The following HHIP variants were observed in gnomAD, a reference collection of about 807,000 sequenced individuals.
HHIP encodes hedgehog-interacting protein.
A neutral mutation model predicts 74.0 loss-of-function variants in HHIP; 12 were observed. The observed-to-expected ratio is 0.16, with a 90% confidence interval of 0.10 to 0.26. The LOEUF is 0.26. Among genes scored for constraint, HHIP ranks in the 10% least tolerant of loss-of-function variants. HHIP has a pLI of 1.00. For synonymous variants in HHIP, 309 were observed against 311.6 expected, an observed-to-expected ratio of 0.99 and a Z score of 0.09; for missense variants, 788 against 845.0, an observed-to-expected ratio of 0.93 and a Z score of 0.84.
intron 4 of HHIP, among the ~76,000 whole-genome samples, chr4:144,701,353 G>T (rs1296899639): frequency 2.0e-5 from 3 of 150,792 alleles, no homozygotes; most frequent in Admixed American, 1.3e-4. Context: ...TTTTAGAGTG[G>T]AGAAAGCTCA....
chr4:144,702,344 A>G (rs917945334), intron 4 of HHIP, among the ~76,000 whole-genome samples: 2 of 152,198 alleles, frequency 1.3e-5, no homozygotes, highest in African/African-American at 4.8e-5. Flanking sequence ...TTAAAGTATC[A>G]GTACTCTTCA....
At chr4:144,713,655 C>A (rs1730362148) in intron 8 of HHIP, among the ~76,000 whole-genome samples, 1 of 152,234 alleles carries the variant, frequency 6.6e-6, no homozygotes, top group Middle Eastern at 3.4e-3. Flanking sequence ...GTTATCCACA[C>A]AACTCTATAA....
At chr4:144,709,512 C>T (rs1202220032) in intron 7 of HHIP, among the ~76,000 whole-genome samples, 2 of 152,134 alleles carry the variant, frequency 1.3e-5, no homozygotes, top group Non-Finnish European at 2.9e-5. Flanking sequence ...GCCTGTGCTG[C>T]GGAGCCTCCC....
chr4:144,700,505 G>A (rs1729944261), intron 4 of HHIP, among the ~76,000 whole-genome samples: 1 of 152,152 alleles, frequency 6.6e-6, no homozygotes, highest in African/African-American at 2.4e-5. Flanking sequence ...TTGCTAAACA[G>A]CACATAGGGA....
intron 4 of HHIP, chr4:144,661,274 C>T (rs940644840): frequency 1.3e-5 from 2 of 151,988 alleles, no homozygotes; most frequent in African/African-American, 4.8e-5. Flanking sequence ...TATAACAGTA[C>T]CTTGGTTCTG....
chr4:144,649,273 T>G (rs1728356172), intron 1 of HHIP, among the ~76,000 whole-genome samples: 1 of 152,088 alleles, frequency 6.6e-6, no homozygotes, highest in Non-Finnish European at 1.5e-5. Flanking sequence ...CTGCAGCTTT[T>G]CAAGAAACTA....
chr4:144,721,371 T>C (rs1377431070), intron 11 of HHIP, among the ~76,000 whole-genome samples: 1 of 152,026 alleles, frequency 6.6e-6, no homozygotes, highest in Non-Finnish European at 1.5e-5. Context: ...ATCTCTTAAA[T>C]CATTTTGGCA....
chr4:144,697,349 A>G (rs140894423), intron 4 of HHIP, among the ~76,000 whole-genome samples: 1 of 152,032 alleles, frequency 6.6e-6, no homozygotes, highest in African/African-American at 2.4e-5. Context: ...TTACTTTATT[A>G]TTTCAAATAG....
At chr4:144,710,047 G>C (rs1730249182) in intron 7 of HHIP, among the ~76,000 whole-genome samples, 1 of 152,118 alleles carries the variant, frequency 6.6e-6, no homozygotes, top group African/African-American at 2.4e-5. Context: ...ATCACCCAGA[G>C]AGTTTCACTG....
At chr4:144,691,581 T>C (rs1358546563) in intron 4 of HHIP, among the ~76,000 whole-genome samples, 4 of 152,208 alleles carry the variant, frequency 2.6e-5, no homozygotes, top group Non-Finnish European at 5.9e-5. Flanking sequence ...CTTTTTTTAA[T>C]AATCACATAT....
At chr4:144,668,793 GC>G (rs1191575333) in intron 4 of HHIP, among the ~76,000 whole-genome samples, 1 of 151,706 alleles carries the variant, frequency 6.6e-6, no homozygotes, top group Non-Finnish European at 1.5e-5. Context: ...AAATGAAAGA[GC>G]CCCAACTACC....
chr4:144,674,937 G>C (rs1267104660), intron 4 of HHIP, among the ~76,000 whole-genome samples: 1 of 152,136 alleles, frequency 6.6e-6, no homozygotes, highest in African/African-American at 2.4e-5. Flanking sequence ...CCTGTAGGGG[G>C]ATGACCTTTA....
intron 11 of HHIP, among the ~76,000 whole-genome samples, chr4:144,730,395 A>C (rs942798973): frequency 1.3e-5 from 2 of 152,200 alleles, no homozygotes; most frequent in African/African-American, 4.8e-5. Context: ...CTATGGGGAT[A>C]GCTGTCAACA....
At chr4:144,731,272 C>T (rs556153861) in intron 11 of HHIP, among the ~76,000 whole-genome samples, 4 of 152,254 alleles carry the variant, frequency 2.6e-5, no homozygotes, top group African/African-American at 9.6e-5. Context: ...CAATAGATTT[C>T]TATTAACCAT....
intron 4 of HHIP, among the ~76,000 whole-genome samples, chr4:144,664,489 A>AT (rs1369189022): frequency 2.6e-5 from 4 of 152,084 alleles, no homozygotes; most frequent in African/African-American, 9.7e-5. Context: ...ACCTTTTTAC[A>AT]TTTTTTTCTT....
At chr4:144,724,522 T>C (rs1415581534) in intron 11 of HHIP, among the ~76,000 whole-genome samples, 1 of 151,576 alleles carries the variant, frequency 6.6e-6, no homozygotes, top group Non-Finnish European at 1.5e-5. Context: ...AAGAATTGCA[T>C]ATATTTACAG....
At chr4:144,673,636 C>T (rs1729102687) in intron 4 of HHIP, among the ~76,000 whole-genome samples, 1 of 152,058 alleles carries the variant, frequency 6.6e-6, no homozygotes, top group Admixed American at 6.6e-5. Flanking sequence ...TCCAGGTATC[C>T]TGAAGTCAGA....
At chr4:144,712,145 A>G (rs1730323619) in intron 8 of HHIP, 74 bp downstream of exon 8, 2 of 1,331,744 alleles carry the variant, frequency 1.5e-6, no homozygotes, top group East Asian at 2.3e-5. Flanking sequence ...TTGAAGAGAA[A>G]GGGATTTCTG....
At chr4:144,720,460 C>A (rs749526368) in intron 11 of HHIP, among the ~76,000 whole-genome samples, 3 of 152,168 alleles carry the variant, frequency 2.0e-5, no homozygotes, top group Non-Finnish European at 4.4e-5. Flanking sequence ...TCACAAAAAT[C>A]TTTCTCTCTT....
Sources: gnomAD v4.1 joint callset for allele counts (sites outside exome capture counted in the v4.1 genomes callset) on GRCh38, gnomAD v4.1.1 for gene constraint, MANE v1.5 for transcripts, NCBI Gene and HGNC (gene_info 2026-07-23, HGNC 2026-07-21) for gene names.